Variants in CPNE8 observed in about 807,000 individuals in gnomAD.
CPNE8 encodes the protein copine 8.
Under a neutral mutation model 81.5 loss-of-function variants are expected in CPNE8, and 45 were observed. The observed-to-expected ratio is 0.55, with a 90% CI of 0.44 to 0.71. The LOEUF is 0.71. CPNE8 is among the 30% of genes least tolerant of loss of function. The pLI is 0.00. For missense variants in CPNE8, 594 were observed against 672.1 expected (o/e 0.88, Z 1.28); for synonymous variants, 252 against 226.3 (o/e 1.11, Z -1.02).
intron 1 of CPNE8, among the ~76,000 whole-genome samples, chr12:38,887,694 C>G (rs1036458586): frequency 5.9e-5 from 9 of 152,114 alleles, no homozygotes; most frequent in African/African-American, 2.4e-5. Flanking sequence ...ACAACTGTAT[C>G]AGAAGGAATT....
At chr12:38,855,876 A>G (rs982629240) in intron 3 of CPNE8, among the ~76,000 whole-genome samples, 2 of 152,062 alleles carry the variant, frequency 1.3e-5, no homozygotes, top group Admixed American at 1.3e-4. Flanking sequence ...TTAAAACAAA[A>G]CCTCTAAAAT....
At chr12:38,899,597 T>C (rs1479980082) in intron 1 of CPNE8, among the ~76,000 whole-genome samples, 1 of 152,222 alleles carries the variant, frequency 6.6e-6, no homozygotes, top group Non-Finnish European at 1.5e-5. Flanking sequence ...GATGTGCAAG[T>C]ATATATTTTA....
intron 6 of CPNE8, among the ~76,000 whole-genome samples, chr12:38,798,645 G>A (rs1292698479): frequency 1.3e-5 from 2 of 151,296 alleles, no homozygotes; most frequent in Non-Finnish European, 2.9e-5. Flanking sequence ...ATCAACTAAC[G>A]AGCAAAATAA....
chr12:38,825,465 G>A (rs559990363), intron 6 of CPNE8, among the ~76,000 whole-genome samples: 1 of 152,338 alleles, frequency 6.6e-6, no homozygotes, highest in Admixed American at 6.5e-5. Context: ...CAGCTGCTCT[G>A]AAGGGCTATC....
intron 10 of CPNE8, among the ~76,000 whole-genome samples, chr12:38,757,072 T>A (rs1393140005): frequency 2.0e-5 from 3 of 152,174 alleles, no homozygotes; most frequent in Non-Finnish European, 1.5e-5. Flanking sequence ...AAATTATATA[T>A]GTGACTTGCA....
intron 16 of CPNE8, among the ~76,000 whole-genome samples, chr12:38,679,085 G>A (rs113997944): frequency 0.02 from 2,997 of 151,812 alleles, 95 homozygotes; most frequent in African/African-American, 0.067. Context: ...CTATGATTCA[G>A]AAAGATAGGG....
chr12:38,742,836 T>C (rs1223334492), intron 10 of CPNE8, among the ~76,000 whole-genome samples: 1 of 151,976 alleles, frequency 6.6e-6, no homozygotes, highest in Admixed American at 6.6e-5. Flanking sequence ...TTTGTGTCTC[T>C]GTCCTAGAGT....
chr12:38,774,613 T>TA (rs1465358150), intron 7 of CPNE8, among the ~76,000 whole-genome samples: 1 of 9,290 alleles, frequency 1.1e-4, no homozygotes, highest in Non-Finnish European at 2.0e-3. Context: ...GACTGGAAGA[T>TA]TTTTTTTTTA....
chr12:38,824,929 G>A (rs1490425093), intron 6 of CPNE8, among the ~76,000 whole-genome samples: 2 of 152,096 alleles, frequency 1.3e-5, no homozygotes, highest in Non-Finnish European at 1.5e-5. Flanking sequence ...CAGTCATGAG[G>A]ACCAGACCAT....
At chr12:38,859,885 T>C (rs539562470) in intron 3 of CPNE8, among the ~76,000 whole-genome samples, 16 of 152,136 alleles carry the variant, frequency 1.1e-4, no homozygotes, top group African/African-American at 3.9e-4. Flanking sequence ...TGGCCACTTA[T>C]CCTACATCAT....
At chr12:38,888,200 T>C (rs1350437618) in intron 1 of CPNE8, among the ~76,000 whole-genome samples, 2 of 152,236 alleles carry the variant, frequency 1.3e-5, no homozygotes, top group African/African-American at 4.8e-5. Flanking sequence ...TAACATTTTG[T>C]TCCTTTGTCT....
At chr12:38,742,066 A>G (rs1941119889) in intron 10 of CPNE8, among the ~76,000 whole-genome samples, 1 of 152,166 alleles carries the variant, frequency 6.6e-6, no homozygotes, top group Admixed American at 6.5e-5. Flanking sequence ...ACACTTTTAT[A>G]CTGTTGGTGG....
At chr12:38,677,628 T>G in intron 16 of CPNE8, 74 bp from the exon 17 acceptor site, 1 of 813,194 alleles carries the variant, frequency 1.2e-6, no homozygotes, top group Non-Finnish European at 2.1e-6. Context: ...CAATTTGGAA[T>G]AGTTAACAAA....
At chr12:38,751,663 T>C (rs1370989200) in intron 10 of CPNE8, among the ~76,000 whole-genome samples, 2 of 152,084 alleles carry the variant, frequency 1.3e-5, no homozygotes, top group African/African-American at 4.8e-5. Context: ...GTGATAGAGT[T>C]AATCCTAATT....
intron 13 of CPNE8, among the ~76,000 whole-genome samples, chr12:38,710,496 A>G (rs1940228408): frequency 6.6e-6 from 1 of 152,082 alleles, no homozygotes; most frequent in South Asian, 2.1e-4. Flanking sequence ...TTCTCATATG[A>G]CAGACAGGTA....
intron 1 of CPNE8, among the ~76,000 whole-genome samples, chr12:38,881,450 C>T (rs1944156845): frequency 6.6e-6 from 1 of 152,114 alleles, no homozygotes; most frequent in Non-Finnish European, 1.5e-5. Flanking sequence ...AGAACTTTAT[C>T]ATAAATGACA....
intron 6 of CPNE8, among the ~76,000 whole-genome samples, chr12:38,806,119 C>A (rs1005802875): frequency 2.0e-5 from 3 of 150,140 alleles, no homozygotes; most frequent in African/African-American, 7.3e-5. Context: ...CAATAGCTTA[C>A]CAACTAAAAA....
intron 6 of CPNE8, among the ~76,000 whole-genome samples, chr12:38,785,451 C>A (rs1942162511): frequency 6.6e-6 from 1 of 151,982 alleles, no homozygotes; most frequent in South Asian, 2.1e-4. Flanking sequence ...GTGGAGGGAC[C>A]TGGTGGGAGG....
At chr12:38,840,278 A>G (rs116723773) in intron 4 of CPNE8, among the ~76,000 whole-genome samples, 1 of 152,274 alleles carries the variant, frequency 6.6e-6, no homozygotes, top group African/African-American at 2.4e-5. Flanking sequence ...CATCAGTAGT[A>G]TCCCAGTACT....
Sources: gnomAD v4.1 joint callset for allele counts (sites outside exome capture counted in the v4.1 genomes callset) on GRCh38, gnomAD v4.1.1 for gene constraint, MANE v1.5 for transcripts, NCBI Gene and HGNC (gene_info 2026-07-23, HGNC 2026-07-21) for gene names.